The following PCDHA5 variants were observed in gnomAD, a reference collection of about 807,000 sequenced individuals.
The protein encoded by PCDHA5 is protocadherin alpha-5.
Under a neutral mutation model 61.6 loss-of-function variants are expected in PCDHA5, and 43 were observed. That is an observed-to-expected ratio of 0.70 (90% CI 0.55 to 0.90). The LOEUF is 0.90. PCDHA5 is among the 40% of genes least tolerant of loss of function. The probability of loss-of-function intolerance (pLI) is 0.00; values close to 1 mark genes in which losing one functional copy is unlikely to be tolerated. For missense variants in PCDHA5, 1,298 were observed against 1,222.7 expected, an observed-to-expected ratio of 1.06 and a Z score of -0.92; for synonymous variants, 627 against 543.9, an observed-to-expected ratio of 1.15 and a Z score of -2.13.
chr5:140,822,245 C>A lies in PCDHA5; in HGVS notation c.470C>A (p.Ser157Ter). 1.2e-6 allele frequency: 2 copies of A among 1,614,182 alleles called. No homozygotes were observed. The highest frequency in any genetic ancestry group is 1.7e-6 in the Non-Finnish European group (2 of 1,180,042). ...PDSRFPLEGA[S>*]DLDIGANAQL... is the part of the protein sequence containing the mutation. Reference sequence around the variant, plus strand: ...TCGCGGTTTCCGCTAGAGGGCGCGTCGGATTTGGATATTGGAGCAAATGCA... The same window carrying A: ...TCGCGGTTTCCGCTAGAGGGCGCGTAGGATTTGGATATTGGAGCAAATGCA... Residue 157 changes from serine (S) to a stop codon, truncating the protein, a stop_gained, in exon 1 of 4, where the codon TCG becomes TAG. Coordinates refer to ENST00000529859, the MANE Select transcript of PCDHA5 (RefSeq NM_018908.3). LOFTEE classifies it high-confidence loss of function.
intron 1 of PCDHA5, among the ~76,000 whole-genome samples, chr5:140,897,064 CTT>C (rs1313385579): frequency 3.3e-5 from 5 of 152,042 alleles, no homozygotes; most frequent in Non-Finnish European, 4.4e-5. Flanking sequence ...AATACTATGT[CTT>C]ATTCATTTTT....
At chr5:140,840,932 A>C (rs1391347019) in intron 1 of PCDHA5, among the ~76,000 whole-genome samples, 1 of 152,030 alleles carries the variant, frequency 6.6e-6, no homozygotes, top group African/African-American at 2.4e-5. Flanking sequence ...AATTGATACG[A>C]TATTTGAAAT....
chr5:140,994,249 G>A (rs17119346), intron 3 of PCDHA5, among the ~76,000 whole-genome samples: 45,238 of 152,008 alleles, frequency 0.3, 6,962 homozygotes, highest in East Asian at 0.43. Flanking sequence ...CAAACCCTAG[G>A]TAAATAAGGT....
intron 1 of PCDHA5, chr5:140,870,093 A>G (rs1554163808): frequency 6.8e-6 from 11 of 1,613,930 alleles, no homozygotes; most frequent in Non-Finnish European, 9.3e-6. Context: ...CCCCAATGGC[A>G]GGTCACTGTA....
chr5:140,843,007 G>A, intron 1 of PCDHA5: 1 of 1,594,980 alleles, frequency 6.3e-7, no homozygotes, highest in Non-Finnish European at 8.6e-7. Context: ...ATGACAACGC[G>A]CCGGCACTGC....
intron 1 of PCDHA5, among the ~76,000 whole-genome samples, chr5:140,827,179 C>T (rs1458570601): frequency 2.6e-5 from 4 of 152,026 alleles, no homozygotes; most frequent in Non-Finnish European, 4.4e-5. Context: ...CAATAAAAGT[C>T]TTATTCAAAA....
At chr5:140,921,366 A>C (rs1415562044) in intron 1 of PCDHA5, among the ~76,000 whole-genome samples, 1 of 152,140 alleles carries the variant, frequency 6.6e-6, no homozygotes, top group African/African-American at 2.4e-5. Flanking sequence ...TTCAAGTTTC[A>C]TATTTCTACA....
intron 1 of PCDHA5, chr5:140,858,161 G>T: frequency 6.3e-7 from 1 of 1,597,836 alleles, no homozygotes; most frequent in Non-Finnish European, 8.6e-7. Flanking sequence ...CATCTGCGCG[G>T]TGTCCAGCTT....
intron 1 of PCDHA5, chr5:140,850,196 A>T: frequency 6.3e-7 from 1 of 1,592,830 alleles, no homozygotes; most frequent in Non-Finnish European, 8.6e-7. Flanking sequence ...CGCTGCTGAC[A>T]CCTCGGATGA....
chr5:140,828,024 C>A, intron 1 of PCDHA5: 1 of 1,516,842 alleles, frequency 6.6e-7, no homozygotes, highest in Non-Finnish European at 8.8e-7. Context: ...TAATAAATTC[C>A]GGAACATACA....
chr5:140,871,245 G>A, intron 1 of PCDHA5: 1 of 1,613,982 alleles, frequency 6.2e-7, no homozygotes, highest in Non-Finnish European at 8.5e-7. Flanking sequence ...TACTCACGCT[G>A]CTGCTGTATA....
At chr5:140,869,433 G>A in intron 1 of PCDHA5, 2 of 1,614,226 alleles carry the variant, frequency 1.2e-6, no homozygotes, top group Non-Finnish European at 1.7e-6. Context: ...AGGTGATCGT[G>A]GACAGGCCGC....
intron 1 of PCDHA5, chr5:140,968,750 G>A: frequency 6.2e-7 from 1 of 1,614,144 alleles, no homozygotes; most frequent in Non-Finnish European, 8.5e-7. Context: ...GACCGTGGTG[G>A]TCCGAGATAA....
At chr5:140,869,380 G>A (rs1315666503) in intron 1 of PCDHA5, 1 of 1,614,046 alleles carries the variant, frequency 6.2e-7, no homozygotes, top group African/African-American at 1.3e-5. Context: ...GATCGACCGC[G>A]AGGAGCTGTG....
At chr5:140,884,260 G>C (rs781862611) in intron 1 of PCDHA5, 1 of 1,613,410 alleles carries the variant, frequency 6.2e-7, no homozygotes, top group Admixed American at 1.7e-5. Flanking sequence ...CCACGGCAAC[G>C]GTGCTGTTGT....
intron 1 of PCDHA5, among the ~76,000 whole-genome samples, chr5:140,923,269 T>C (rs1554201320): frequency 6.6e-6 from 1 of 152,218 alleles, no homozygotes; most frequent in Non-Finnish European, 1.5e-5. Flanking sequence ...TGAGACCTTG[T>C]CTCTACAAAA....
chr5:140,939,488 T>C (rs1554212750), intron 1 of PCDHA5, among the ~76,000 whole-genome samples: 1 of 151,188 alleles, frequency 6.6e-6, no homozygotes, highest in Non-Finnish European at 1.5e-5. Flanking sequence ...AGAATGTTAA[T>C]TATAAATTCA....
chr5:140,891,667 A>T (rs2153435107), intron 1 of PCDHA5, among the ~76,000 whole-genome samples: 1 of 152,286 alleles, frequency 6.6e-6, no homozygotes, highest in African/African-American at 2.4e-5. Flanking sequence ...CCCACCTTAA[A>T]GTTTAATAAT....
At chr5:140,845,811 T>C (rs200141146) in intron 1 of PCDHA5, among the ~76,000 whole-genome samples, 1 of 149,748 alleles carries the variant, frequency 6.7e-6, no homozygotes, top group South Asian at 2.1e-4. Context: ...GATAGGTACA[T>C]AATAAAATTT....
Sources: gnomAD v4.1 joint callset for allele counts (sites outside exome capture counted in the v4.1 genomes callset) on GRCh38, gnomAD v4.1.1 for gene constraint, MANE v1.5 for transcripts, NCBI Gene and HGNC (gene_info 2026-07-23, HGNC 2026-07-21) for gene names.